Variants in ARRB1 observed in about 807,000 individuals in gnomAD.
The protein encoded by ARRB1 is beta-arrestin-1.
Under a neutral mutation model 56.8 loss-of-function variants are expected in ARRB1, and 21 were observed. The observed-to-expected ratio is 0.37, with a 90% CI of 0.26 to 0.53. The LOEUF is 0.53. Ranked by LOEUF, ARRB1 falls within the 20% of genes least tolerant of loss-of-function variation. The pLI is 0.88. For synonymous variants in ARRB1, 210 were observed against 218.6 expected (o/e 0.96, Z 0.35); for missense variants, 424 against 553.7 (o/e 0.77, Z 2.35).
chr11:75,325,977 G>C (rs1947427294), intron 1 of ARRB1, among the ~76,000 whole-genome samples: 1 of 152,192 alleles, frequency 6.6e-6, no homozygotes, highest in Non-Finnish European at 1.5e-5. Flanking sequence ...TCAGAGCTCA[G>C]CCAGGCTGAC....
chr11:75,328,015 C>T (rs1418052525), intron 1 of ARRB1, among the ~76,000 whole-genome samples: 2 of 152,194 alleles, frequency 1.3e-5, no homozygotes, highest in African/African-American at 4.8e-5. Flanking sequence ...CAACGTTGTG[C>T]AAAACCGCCA....
At chr11:75,280,578 T>C (rs1052438435) in intron 7 of ARRB1, among the ~76,000 whole-genome samples, 1 of 152,150 alleles carries the variant, frequency 6.6e-6, no homozygotes, top group African/African-American at 2.4e-5. Context: ...ACGCTTCCCA[T>C]CTCTTAGATG....
intron 1 of ARRB1, among the ~76,000 whole-genome samples, chr11:75,321,657 C>T (rs921355021): frequency 5.3e-5 from 8 of 152,162 alleles, no homozygotes; most frequent in Non-Finnish European, 1.2e-4. Context: ...GTGACCTCCC[C>T]TCACTCAACT....
chr11:75,281,171 G>A, intron 6 of ARRB1, 29 bp from the exon 7 acceptor site: 1 of 1,575,958 alleles, frequency 6.3e-7, no homozygotes, highest in Non-Finnish European at 8.6e-7. Flanking sequence ...TGACCACAGG[G>A]CCTTGGAGAA....
chr11:75,297,548 G>A (rs1372781571), intron 1 of ARRB1, among the ~76,000 whole-genome samples: 2 of 151,948 alleles, frequency 1.3e-5, no homozygotes. Flanking sequence ...GTTAGATCCC[G>A]ACCTCACATC....
intron 1 of ARRB1, among the ~76,000 whole-genome samples, chr11:75,292,673 T>C (rs1946638625): frequency 6.6e-6 from 1 of 151,952 alleles, no homozygotes; most frequent in Non-Finnish European, 1.5e-5. Context: ...AGGCCACAGG[T>C]GCCTGAGGCC....
intron 1 of ARRB1, among the ~76,000 whole-genome samples, chr11:75,297,326 A>C (rs974464172): frequency 2.0e-5 from 3 of 152,180 alleles, no homozygotes; most frequent in Non-Finnish European, 4.4e-5. Flanking sequence ...TTCAAAACTT[A>C]CCACAAAGCT....
At chr11:75,330,468 G>A (rs770794724) in intron 1 of ARRB1, among the ~76,000 whole-genome samples, 2 of 152,042 alleles carry the variant, frequency 1.3e-5, no homozygotes, top group Admixed American at 6.5e-5. Context: ...ATATGTAAAT[G>A]TTTATGCCAA....
chr11:75,340,872 G>C (rs1172055892), intron 1 of ARRB1, among the ~76,000 whole-genome samples: 4 of 152,108 alleles, frequency 2.6e-5, no homozygotes, highest in African/African-American at 9.7e-5. Context: ...TAGAGAATCT[G>C]CCGTGGGTGA....
chr11:75,298,181 T>C (rs1946809237), intron 1 of ARRB1, among the ~76,000 whole-genome samples: 1 of 150,732 alleles, frequency 6.6e-6, no homozygotes, highest in Non-Finnish European at 1.5e-5. Context: ...ACATGGCACA[T>C]GTATACATAT....
intron 15 of ARRB1, among the ~76,000 whole-genome samples, chr11:75,266,532 T>A (rs1246048265): frequency 6.6e-6 from 1 of 152,126 alleles, no homozygotes; most frequent in Non-Finnish European, 1.5e-5. Flanking sequence ...GGGGCATGAA[T>A]TTGACTCTTG....
rs1365114875 is a variant in ARRB1 at position 75,290,102 on chromosome 11, G to A, written c.21-63C>T. ...ATCCTGCCCAGGGGCAAGCTCCTGC[G>A]GGCCACCTTGAGGCAGGACTGGGGA... On this transcript the variant is annotated intron_variant, in intron 1 of 15. Coordinates refer to ENST00000420843, the MANE Select transcript of ARRB1 (RefSeq NM_004041.5). 2.9e-5 allele frequency: 46 copies of A among 1,606,760 alleles called. No individual in the cohort carries two copies. In the South Asian group the frequency reaches 4.2e-4, roughly 15 times the overall value.
At position 75,290,131 on chromosome 11, in the gene ARRB1, G is replaced by A. The variant is rs1946572544; in HGVS notation, c.21-92C>T. 2.0e-6 allele frequency: 3 copies of A among 1,504,350 alleles called. No individual in the cohort carries two copies. In the East Asian group the frequency reaches 6.8e-5, roughly 34 times the overall value. The allele number at this position is 1,504,350 out of a possible 1,614,324, so 93.2% of individuals were successfully genotyped here. On this transcript the variant is annotated intron_variant, in intron 1 of 15. Coordinates refer to ENST00000420843, the MANE Select transcript of ARRB1 (RefSeq NM_004041.5). Reference sequence around the variant, plus strand: ...CACCTTGAGGCAGGACTGGGGACCAGGGCTGGAGTGACTGACAGGCACCAT... The same window carrying A: ...CACCTTGAGGCAGGACTGGGGACCAAGGCTGGAGTGACTGACAGGCACCAT...
rs192294870 is a variant in ARRB1, at chr11:75,325,881, G to A, written c.20+25707C>T. Among the ~76,000 whole-genome samples, 612 of 152,282 alleles carry A rather than the reference G, an allele frequency of 4.0e-3. 5 individuals are homozygous for A. The highest frequency in any genetic ancestry group is 0.014 in the African/African-American group (582 of 41,552). On this transcript the variant is annotated intron_variant, in intron 1 of 15. Coordinates refer to ENST00000420843, the MANE Select transcript of ARRB1 (RefSeq NM_004041.5). The stretch of plus-strand genomic sequence containing the variant: ...CCTCACGCCCAGGGCTCTCTGGTCT[G>A]ACCCTGCCAGTGCTCAAAGCAAAAG...
intron 1 of ARRB1, among the ~76,000 whole-genome samples, chr11:75,328,037 A>T (rs1947469183): frequency 6.6e-6 from 1 of 152,200 alleles, no homozygotes; most frequent in African/African-American, 2.4e-5. Flanking sequence ...TTCTATCTAG[A>T]TCCAACGCAT....
chr11:75,295,958 G>A (rs1049278907), intron 1 of ARRB1, among the ~76,000 whole-genome samples: 2 of 152,164 alleles, frequency 1.3e-5, no homozygotes, highest in Non-Finnish European at 2.9e-5. Context: ...GCTGAGGCGG[G>A]CGGATCACTT....
At chr11:75,298,310 C>A (rs1306403356) in intron 1 of ARRB1, among the ~76,000 whole-genome samples, 1 of 151,292 alleles carries the variant, frequency 6.6e-6, no homozygotes, top group African/African-American at 2.4e-5. Context: ...TGATCAGGTC[C>A]TAATAGCCAG....
At chr11:75,278,386 C>A (rs1443160165) in intron 8 of ARRB1, among the ~76,000 whole-genome samples, 1 of 152,224 alleles carries the variant, frequency 6.6e-6, no homozygotes, top group Non-Finnish European at 1.5e-5. Context: ...TTCGGAAGTC[C>A]ATCACATCTC....
At chr11:75,286,433 A>ATT (rs35807702) in intron 3 of ARRB1, among the ~76,000 whole-genome samples, 3 of 146,646 alleles carry the variant, frequency 2.0e-5, no homozygotes, top group African/African-American at 7.6e-5. Context: ...ATGCTCGGCT[A>ATT]TTTTTTTTTT....
Sources: gnomAD v4.1 joint callset for allele counts (sites outside exome capture counted in the v4.1 genomes callset) on GRCh38, gnomAD v4.1.1 for gene constraint, MANE v1.5 for transcripts, NCBI Gene and HGNC (gene_info 2026-07-23, HGNC 2026-07-21) for gene names.